The following FBN2 variants were observed in gnomAD, a reference collection of about 807,000 sequenced individuals.
FBN2 encodes fibrillin 2.
FBN2 carries 105 observed loss-of-function variants against 355.6 expected under a neutral mutation model. The ratio of observed to expected loss-of-function variants is 0.30; its 90% CI spans 0.25 to 0.35. FBN2 has a LOEUF of 0.35. Among genes scored for constraint, FBN2 ranks in the 10% least tolerant of loss-of-function variants. FBN2 has a pLI of 1.00. For synonymous variants in FBN2, 1,350 were observed against 1,301.2 expected, an observed-to-expected ratio of 1.04 and a Z score of -0.81; for missense variants, 3,280 against 3,758.7, an observed-to-expected ratio of 0.87 and a Z score of 3.33.
intron 7 of FBN2, among the ~76,000 whole-genome samples, chr5:128,423,675 T>G (rs546351385): frequency 1.3e-5 from 2 of 152,124 alleles, no homozygotes; most frequent in Admixed American, 1.3e-4. Flanking sequence ...TGAAAAGAAG[T>G]TAGGCTGGAG....
At position 128,472,501 on chromosome 5, in the gene FBN2, A is replaced by G. The variant is rs530645788; in HGVS notation, c.629-7580T>C. ...CTTCAAGCCCCTGAACTTAAAAATG[A>G]TTACGACAGGCTGGGCACAGTGGCT... On this transcript the variant is annotated intron_variant, in intron 5 of 64. Coordinates refer to ENST00000262464, the MANE Select transcript of FBN2 (RefSeq NM_001999.4). 2.0e-5 allele frequency among the ~76,000 whole-genome samples: 3 copies of G among 152,274 alleles called. No homozygotes were observed. The South Asian group carries it at 6.2e-4, about 32-fold the overall frequency.
Position 128,366,378 on chromosome 5 carries a change from T to G in FBN2, c.2301A>C (p.Arg767Ser). 1 of 1,579,320 alleles carries G rather than the reference T, an allele frequency of 6.3e-7. No individual in the cohort carries two copies. The highest frequency in any genetic ancestry group is 8.7e-7 in the Non-Finnish European group (1 of 1,150,374). Residue 767 changes from arginine to serine, a missense_variant and splice_region_variant, in exon 17 of 65, where the codon AGA (arginine) becomes AGC (serine). By Grantham distance (110) the Arg-to-Ser change is moderately radical. Coordinates refer to ENST00000262464, the MANE Select transcript of FBN2 (RefSeq NM_001999.4). The part of the protein sequence containing the change: ...SSGVGITVDG[R>S]DINECALDPD... ...AAAGTTGAGATTAACTAGAGTTACC[T>G]CTTCCATCCACAGTGATACCTACTC... is the stretch of plus-strand genomic sequence containing the variant.
At chr5:128,536,742 G>A (rs1756857575) in intron 1 of FBN2, among the ~76,000 whole-genome samples, 2 of 152,160 alleles carry the variant, frequency 1.3e-5, no homozygotes, top group African/African-American at 4.8e-5. Context: ...GCGAAAAGAG[G>A]CATGGAAACA....
At chr5:128,310,238 A>T (rs1749996988) in intron 39 of FBN2, 130 bp from the exon 40 acceptor site, 1 of 730,034 alleles carries the variant, frequency 1.4e-6, no homozygotes, top group Admixed American at 2.3e-5. Flanking sequence ...AAATAAAGAA[A>T]ATATCCCAAA....
At chr5:128,374,325 A>T (rs550030726) in intron 15 of FBN2, among the ~76,000 whole-genome samples, 27 of 152,054 alleles carry the variant, frequency 1.8e-4, no homozygotes, top group Non-Finnish European at 3.8e-4. Context: ...CATTTTAATC[A>T]CCTCAAAAAT....
At chr5:128,426,672 G>T (rs1038898617) in intron 7 of FBN2, among the ~76,000 whole-genome samples, 1 of 152,152 alleles carries the variant, frequency 6.6e-6, no homozygotes, top group African/African-American at 2.4e-5. Flanking sequence ...TTCCTAGGGT[G>T]AGCATCCCCC....
intron 7 of FBN2, among the ~76,000 whole-genome samples, chr5:128,411,737 C>T (rs1260721279): frequency 6.6e-6 from 1 of 152,166 alleles, no homozygotes; most frequent in African/African-American, 2.4e-5. Flanking sequence ...CATTTAGGGT[C>T]GCAGGTCCAG....
chr5:128,506,649 T>C (rs1244249990), intron 5 of FBN2, among the ~76,000 whole-genome samples: 1 of 152,162 alleles, frequency 6.6e-6, no homozygotes. Context: ...CATTTCTTTG[T>C]ATTGCCTATT....
At position 128,338,980 on chromosome 5, in the gene FBN2, C is replaced by A. The variant is rs137852828; in HGVS notation, c.3425G>T (p.Cys1142Phe). The A allele has an allele frequency of 6.2e-7, 1 of 1,614,144 alleles. No homozygotes were observed. The highest frequency in any genetic ancestry group is 1.7e-5 in the Admixed American group (1 of 60,034). Residue 1142 changes from cysteine (C) to phenylalanine (F), a missense_variant, in exon 26 of 65, where the codon TGC becomes TTC. Physicochemically the swap from Cys to Phe is radical, Grantham distance 205. This residue lies in a region of FBN2 where 2,284 missense variants were observed against 2,749.5 expected (regional missense o/e 0.83). Transcript: ENST00000262464. The stretch of plus-strand genomic sequence containing the variant: ...GAAGCCACTTTCATAGCCTTCGAAG[C>A]ACTCGCACTCAAAGCTGCCCGGTGT... ...VNTPGSFECE[C>F]FEGYESGFMM... is the part of the protein sequence containing the mutation.
intron 34 of FBN2, among the ~76,000 whole-genome samples, chr5:128,325,747 T>C (rs556335481): frequency 1.1e-4 from 17 of 152,262 alleles, no homozygotes; most frequent in African/African-American, 4.1e-4. Context: ...TCTAATAGTG[T>C]TAATTTCTCT....
At chr5:128,289,542 C>G (rs577837333) in intron 51 of FBN2, among the ~76,000 whole-genome samples, 1 of 151,936 alleles carries the variant, frequency 6.6e-6, no homozygotes, top group Non-Finnish European at 1.5e-5. Context: ...TCAGCTGGAT[C>G]GCACCACTGC....
chr5:128,425,022 T>C (rs1459008119), intron 7 of FBN2, among the ~76,000 whole-genome samples: 1 of 152,000 alleles, frequency 6.6e-6, no homozygotes, highest in Non-Finnish European at 1.5e-5. Flanking sequence ...TTTCCTTTTT[T>C]TTTTTTTCTC....
chr5:128,416,890 T>C (rs888718480), intron 7 of FBN2, among the ~76,000 whole-genome samples: 3 of 152,172 alleles, frequency 2.0e-5, no homozygotes, highest in African/African-American at 7.2e-5. Context: ...CTGTGAAAAA[T>C]GACATTCATA....
At chr5:128,442,084 T>C in intron 7 of FBN2, 1 of 309,420 alleles carries the variant, frequency 3.2e-6, no homozygotes, top group Non-Finnish European at 6.3e-6. Context: ...CCAACAACTT[T>C]TATGAGTTTC....
chr5:128,395,317 T>G (rs1752618639), intron 8 of FBN2, 43 bp from the exon 9 acceptor site: 1 of 1,608,312 alleles, frequency 6.2e-7, no homozygotes, highest in Non-Finnish European at 8.5e-7. Flanking sequence ...CAGAATTACC[T>G]CAGGTTCTTA....
chr5:128,385,637 C>A (rs1752348653), intron 11 of FBN2, among the ~76,000 whole-genome samples: 1 of 152,146 alleles, frequency 6.6e-6, no homozygotes, highest in Admixed American at 6.6e-5. Context: ...AACTGCTTTC[C>A]ACAGTGGCTG....
chr5:128,329,711 T>C (rs1336381904), intron 33 of FBN2, among the ~76,000 whole-genome samples: 1 of 152,228 alleles, frequency 6.6e-6, no homozygotes, highest in Admixed American at 6.5e-5. Flanking sequence ...TAAACATGTT[T>C]CCTTAAACAG....
intron 58 of FBN2, among the ~76,000 whole-genome samples, chr5:128,277,588 G>T (rs548145310): frequency 6.6e-6 from 1 of 151,990 alleles, no homozygotes; most frequent in Non-Finnish European, 1.5e-5. Context: ...TGTTTCTCAG[G>T]TTTACAACCT....
At chr5:128,274,233 A>C (rs1030238710) in intron 60 of FBN2, among the ~76,000 whole-genome samples, 1 of 152,226 alleles carries the variant, frequency 6.6e-6, no homozygotes, top group African/African-American at 2.4e-5. Context: ...CTTCTAAAAT[A>C]AAAGCTCAAT....
Sources: gnomAD v4.1 joint callset for allele counts (sites outside exome capture counted in the v4.1 genomes callset) on GRCh38, gnomAD v4.1.1 for gene constraint, gnomAD v4.1.1 regional missense constraint, MANE v1.5 for transcripts, NCBI Gene and HGNC (gene_info 2026-07-23, HGNC 2026-07-21) for gene names.